The following CCDC148 variants were observed in gnomAD, a reference collection of about 807,000 sequenced individuals.
CCDC148 encodes the protein coiled-coil domain-containing protein 148.
Under a neutral mutation model 85.7 loss-of-function variants are expected in CCDC148, and 89 were observed. The ratio of observed to expected loss-of-function variants is 1.04; its 90% CI spans 0.87 to 1.24. The LOEUF (loss-of-function observed/expected upper bound fraction) is 1.24, where lower values mean the gene tolerates loss of function less well. Among genes scored for constraint, CCDC148 ranks in the 50% most tolerant of loss-of-function variants. The pLI is 0.00. For missense variants in CCDC148, 692 were observed against 671.7 expected (o/e 1.03, Z -0.33); for synonymous variants, 230 against 213.9 (o/e 1.08, Z -0.66).
intron 13 of CCDC148, among the ~76,000 whole-genome samples, chr2:158,174,497 A>G (rs537198417): frequency 1.8e-4 from 27 of 152,030 alleles, no homozygotes; most frequent in South Asian, 8.3e-4. Context: ...TAGCTAAAAC[A>G]TAAGTCTGAT....
At chr2:158,340,440 G>A in intron 4 of CCDC148, 47 bp from the exon 5 acceptor site, 1 of 1,593,250 alleles carries the variant, frequency 6.3e-7, no homozygotes, top group Non-Finnish European at 8.6e-7. Flanking sequence ...ATTATTTTAA[G>A]TGTCTCCAAA....
intron 7 of CCDC148, among the ~76,000 whole-genome samples, chr2:158,321,123 G>A (rs573158092): frequency 3.3e-5 from 5 of 152,004 alleles, no homozygotes; most frequent in Admixed American, 6.6e-5. Flanking sequence ...TTATTCCCAC[G>A]ACAAACTCAA....
intron 1 of CCDC148, among the ~76,000 whole-genome samples, chr2:158,389,018 G>A (rs1225344315): frequency 6.6e-6 from 1 of 152,106 alleles, no homozygotes; most frequent in African/African-American, 2.4e-5. Context: ...TTAAAATGTA[G>A]ACACTGTCAC....
intron 9 of CCDC148, among the ~76,000 whole-genome samples, chr2:158,295,516 C>A: frequency 6.7e-6 from 1 of 148,630 alleles, no homozygotes; most frequent in African/African-American, 2.5e-5. Flanking sequence ...CATCAAAAAG[C>A]TTATCCACCA....
intron 7 of CCDC148, among the ~76,000 whole-genome samples, chr2:158,328,081 T>G (rs888401217): frequency 1.2e-4 from 19 of 152,084 alleles, no homozygotes; most frequent in Non-Finnish European, 2.4e-4. Flanking sequence ...TAGTCATGTA[T>G]GTATACATGT....
chr2:158,439,722 A>G (rs763548542), intron 1 of CCDC148, among the ~76,000 whole-genome samples: 1 of 152,202 alleles, frequency 6.6e-6, no homozygotes, highest in Non-Finnish European at 1.5e-5. Context: ...CTATTTGATC[A>G]TATGCTTCAC....
At chr2:158,315,907 CT>C (rs1018983011) in intron 7 of CCDC148, among the ~76,000 whole-genome samples, 5 of 152,214 alleles carry the variant, frequency 3.3e-5, no homozygotes, top group African/African-American at 1.2e-4. Context: ...GCACTCTGGC[CT>C]TTCCCCATGG....
chr2:158,230,249 T>C (rs921719662), intron 10 of CCDC148, among the ~76,000 whole-genome samples: 3 of 152,190 alleles, frequency 2.0e-5, no homozygotes, highest in Non-Finnish European at 4.4e-5. Context: ...AATGAATGAA[T>C]GAATGGAATA....
chr2:158,331,870 T>C (rs922725282), intron 7 of CCDC148, among the ~76,000 whole-genome samples: 3 of 152,224 alleles, frequency 2.0e-5, no homozygotes, highest in Admixed American at 1.3e-4. Context: ...TAGATCTTCC[T>C]CTATCCCTTT....
At chr2:158,322,356 A>T (rs1234198112) in intron 7 of CCDC148, among the ~76,000 whole-genome samples, 1 of 152,106 alleles carries the variant, frequency 6.6e-6, no homozygotes, top group African/African-American at 2.4e-5. Flanking sequence ...TTAATACATG[A>T]CCTAAATCAT....
At chr2:158,276,609 T>C (rs1689959311) in intron 9 of CCDC148, among the ~76,000 whole-genome samples, 2 of 149,958 alleles carry the variant, frequency 1.3e-5, no homozygotes, top group South Asian at 4.2e-4. Context: ...TGCCTCATTA[T>C]ACTCGTGAGC....
At chr2:158,411,826 C>T (rs1036095769) in intron 1 of CCDC148, among the ~76,000 whole-genome samples, 3 of 152,054 alleles carry the variant, frequency 2.0e-5, no homozygotes, top group African/African-American at 7.2e-5. Context: ...TATGGTCTGG[C>T]TTTGGTGGGG....
At chr2:158,316,482 G>C (rs2105216799) in intron 7 of CCDC148, among the ~76,000 whole-genome samples, 1 of 152,218 alleles carries the variant, frequency 6.6e-6, no homozygotes, top group East Asian at 1.9e-4. Flanking sequence ...TGACCTTCTT[G>C]TTGATTTTAG....
At chr2:158,452,568 C>A (rs1348333905) in intron 1 of CCDC148, among the ~76,000 whole-genome samples, 1 of 152,180 alleles carries the variant, frequency 6.6e-6, no homozygotes, top group Non-Finnish European at 1.5e-5. Context: ...TCAATAGGAA[C>A]CCAGAAAACA....
intron 9 of CCDC148, among the ~76,000 whole-genome samples, chr2:158,276,994 C>T (rs1470753806): frequency 6.6e-6 from 1 of 152,214 alleles, no homozygotes; most frequent in Non-Finnish European, 1.5e-5. Context: ...GAGATACTGA[C>T]ATTGCATTTT....
intron 7 of CCDC148, among the ~76,000 whole-genome samples, chr2:158,316,071 C>T (rs995723943): frequency 2.6e-5 from 4 of 152,144 alleles, no homozygotes; most frequent in African/African-American, 9.7e-5. Context: ...ATAGAACCTA[C>T]CCTAAGATAA....
chr2:158,421,772 AC>A (rs1559134111), intron 1 of CCDC148, among the ~76,000 whole-genome samples: 1 of 152,118 alleles, frequency 6.6e-6, no homozygotes. Context: ...GACACAAAAA[AC>A]CCTTCAAAAA....
intron 9 of CCDC148, among the ~76,000 whole-genome samples, chr2:158,287,171 C>T (rs1316676550): frequency 6.6e-6 from 1 of 152,136 alleles, no homozygotes; most frequent in South Asian, 2.1e-4. Context: ...ATTGAATTAC[C>T]TCCTACTGGG....
chr2:158,286,790 G>A (rs903400499), intron 9 of CCDC148, among the ~76,000 whole-genome samples: 4 of 152,090 alleles, frequency 2.6e-5, no homozygotes, highest in Admixed American at 6.5e-5. Flanking sequence ...ATGATAAAAA[G>A]TAATATTAGA....
Sources: allele counts gnomAD v4.1 joint callset (sites outside exome capture counted in the v4.1 genomes callset), GRCh38; gene constraint gnomAD v4.1.1; transcripts MANE v1.5; gene names NCBI Gene and HGNC (gene_info 2026-07-23, HGNC 2026-07-21).